The following CYP2J2 variants were observed in gnomAD, a reference collection of about 807,000 sequenced individuals.
CYP2J2 encodes cytochrome P450 2J2.
In CYP2J2, 41 loss-of-function variants were observed where a neutral mutation model predicts 48.8. That is an observed-to-expected ratio of 0.84 (90% CI 0.66 to 1.09). The LOEUF is 1.09. Among genes scored for constraint, CYP2J2 ranks in the 50% least tolerant of loss-of-function variants. The pLI is 0.00. For synonymous variants in CYP2J2, 221 were observed against 227.1 expected (o/e 0.97, Z 0.24); for missense variants, 644 against 617.3 (o/e 1.04, Z -0.46).
intron 1 of CYP2J2, among the ~76,000 whole-genome samples, chr1:59,917,246 G>A (rs181058359): frequency 3.0e-4 from 45 of 152,244 alleles, no homozygotes; most frequent in African/African-American, 1.1e-3. Context: ...GCGAGTCTCC[G>A]AGGAATGAAA....
chr1:59,962,536 A>C, the CYP2J2 span, among the ~76,000 whole-genome samples: 1 of 152,230 alleles, frequency 6.6e-6, no homozygotes, highest in Admixed American at 6.5e-5. Context: ...TAAGATTGAA[A>C]ATCAAACAAA....
chr1:59,968,931 G>A, the CYP2J2 span, among the ~76,000 whole-genome samples: 5 of 152,204 alleles, frequency 3.3e-5, no homozygotes, highest in Non-Finnish European at 7.4e-5. Flanking sequence ...GGATATGTTC[G>A]GGGTTTCTTC....
intron 8 of CYP2J2, among the ~76,000 whole-genome samples, chr1:59,895,712 C>T (rs1644262843): frequency 6.6e-6 from 1 of 152,006 alleles, no homozygotes; most frequent in Admixed American, 6.6e-5. Flanking sequence ...AGGTTAGTTA[C>T]ATATGTATAC....
chr1:59,934,321 C>T, the CYP2J2 span, among the ~76,000 whole-genome samples: 1 of 152,060 alleles, frequency 6.6e-6, no homozygotes, highest in Non-Finnish European at 1.5e-5. Context: ...TAACAGTGGT[C>T]TTAGCAATGA....
the CYP2J2 span, among the ~76,000 whole-genome samples, chr1:59,957,301 C>G: frequency 6.7e-6 from 1 of 149,474 alleles, no homozygotes; most frequent in South Asian, 2.1e-4. Context: ...ATAGCAGAAT[C>G]TTGGAAAGAT....
chr1:59,921,178 CAT>C (rs1289811966), intron 1 of CYP2J2, among the ~76,000 whole-genome samples: 2 of 152,162 alleles, frequency 1.3e-5, no homozygotes, highest in Non-Finnish European at 2.9e-5. Flanking sequence ...AGTGAATAAA[CAT>C]GTGAGTACAT....
Position 59,915,763 on chromosome 1 carries a change from C to T in CYP2J2, c.373+175G>A, listed in dbSNP as rs149199403. Among the ~76,000 whole-genome samples, 348 of 152,266 alleles carry T rather than the reference C, an allele frequency of 2.3e-3. 3 individuals carry two copies. Among genetic ancestry groups the T allele is most frequent in the East Asian group, 0.012 (63 of 5,174 alleles). On this transcript the variant is annotated intron_variant, in intron 2 of 8. Transcript: ENST00000371204. ...GTGAGGGATGATCTTATCAAATCTT[C>T]TCAGGGAGTGACTTCAATCAGGAAA...
rs949741903 is a variant in CYP2J2, at chr1:59,900,965, C to T, written c.1330G>A (p.Gly444Arg). 14 of 1,613,556 alleles carry T rather than the reference C, an allele frequency of 8.7e-6. No homozygotes were observed. Among genetic ancestry groups the T allele is most frequent in the Non-Finnish European group, 1.1e-5 (13 of 1,179,612 alleles). Residue 444 changes from glycine (G) to arginine (R), a missense_variant and splice_region_variant, in exon 8 of 9, where the codon GGA (glycine) becomes AGA (arginine). Transcript: ENST00000371204. ...KREAFMPFSI[G>R]KRACLGEQLA... ...CACACACCTGTTTACTACAACTTAC[C>T]TATTGAGAAAGGCATAAAGGCTTCC...
At chr1:59,924,082 G>A (rs1038166651) in intron 1 of CYP2J2, among the ~76,000 whole-genome samples, 18 of 152,124 alleles carry the variant, frequency 1.2e-4, no homozygotes, top group African/African-American at 4.3e-4. Flanking sequence ...ATTACATATG[G>A]GGGATAACAA....
At chr1:59,944,313 C>G in the CYP2J2 span, among the ~76,000 whole-genome samples, 9 of 148,024 alleles carry the variant, frequency 6.1e-5, no homozygotes, top group Non-Finnish European at 1.1e-4. Flanking sequence ...GCTTCAACTT[C>G]CCAGGCTCAA....
At chr1:59,937,233 G>A in the CYP2J2 span, among the ~76,000 whole-genome samples, 2 of 152,156 alleles carry the variant, frequency 1.3e-5, no homozygotes, top group Non-Finnish European at 2.9e-5. Flanking sequence ...TCTATTGGAA[G>A]AAAAACATTA....
At chr1:59,917,794 G>T (rs979563618) in intron 1 of CYP2J2, among the ~76,000 whole-genome samples, 1 of 152,114 alleles carries the variant, frequency 6.6e-6, no homozygotes, top group Non-Finnish European at 1.5e-5. Context: ...CCTTTTTTCT[G>T]CCTGGGTTGT....
chr1:59,922,310 A>T (rs1471598142), intron 1 of CYP2J2, among the ~76,000 whole-genome samples: 2 of 152,242 alleles, frequency 1.3e-5, no homozygotes. Flanking sequence ...AAGCACCACC[A>T]GATCATACCT....
chr1:59,933,403 A>C, the CYP2J2 span, among the ~76,000 whole-genome samples: 4 of 152,238 alleles, frequency 2.6e-5, no homozygotes, highest in Non-Finnish European at 1.5e-5. Flanking sequence ...AATCATTTTA[A>C]GTGTCAATAA....
At chr1:59,926,486 G>T in intron 1 of CYP2J2, 51 bp downstream of exon 1, 1 of 1,511,938 alleles carries the variant, frequency 6.6e-7, no homozygotes, top group Non-Finnish European at 9.2e-7. Flanking sequence ...CCCTTGTGCT[G>T]CAGAACAGAG....
chr1:59,968,543 G>A, the CYP2J2 span, among the ~76,000 whole-genome samples: 1 of 152,108 alleles, frequency 6.6e-6, no homozygotes, highest in African/African-American at 2.4e-5. Flanking sequence ...TCATACTCCA[G>A]AAGATTTCTC....
At chr1:59,926,451 C>T (rs952146564) in intron 1 of CYP2J2, 86 bp downstream of exon 1, 55 of 1,161,406 alleles carry the variant, frequency 4.7e-5, no homozygotes, top group Non-Finnish European at 6.9e-5. Context: ...CTTCATCCCC[C>T]ACCCCACCCA....
chr1:59,915,560 A>G (rs2102129388), intron 2 of CYP2J2, among the ~76,000 whole-genome samples: 1 of 152,318 alleles, frequency 6.6e-6, no homozygotes, highest in East Asian at 1.9e-4. Context: ...GGAAATAGAG[A>G]CAGGAAGAAG....
intron 2 of CYP2J2, chr1:59,913,138 T>C (rs1644433380): frequency 6.6e-6 from 1 of 152,194 alleles, no homozygotes; most frequent in African/African-American, 2.4e-5. Context: ...CTTGAAATAC[T>C]GCCTTCCAGT....
Sources: gnomAD v4.1 joint callset for allele counts (sites outside exome capture counted in the v4.1 genomes callset) on GRCh38, gnomAD v4.1.1 for gene constraint, MANE v1.5 for transcripts, NCBI Gene and HGNC (gene_info 2026-07-23, HGNC 2026-07-21) for gene names.